SH3GL2: variants seen among roughly 807,000 people sequenced by gnomAD.
SH3GL2 encodes the protein endophilin-A1.
SH3GL2 carries 24 observed loss-of-function variants against 46.0 expected under a neutral mutation model. That is an observed-to-expected ratio of 0.52 (90% CI 0.38 to 0.73). The LOEUF (loss-of-function observed/expected upper bound fraction) is 0.73, where lower values mean the gene tolerates loss of function less well. Among genes scored for constraint, SH3GL2 ranks in the 30% least tolerant of loss-of-function variants. The pLI is 0.00. For synonymous variants in SH3GL2, 196 were observed against 147.1 expected (o/e 1.33, Z -2.40); for missense variants, 413 against 424.2 (o/e 0.97, Z 0.23).
chr9:17,607,082 T>C (rs1289594971), intron 1 of SH3GL2, among the ~76,000 whole-genome samples: 1 of 152,188 alleles, frequency 6.6e-6, no homozygotes, highest in Non-Finnish European at 1.5e-5. Context: ...TTATGATAGT[T>C]CCTTAAAATT....
At chr9:17,581,145 T>G (rs897312660) in intron 1 of SH3GL2, among the ~76,000 whole-genome samples, 2 of 152,212 alleles carry the variant, frequency 1.3e-5, no homozygotes, top group Non-Finnish European at 2.9e-5. Context: ...ATACTATCCC[T>G]TATGCTGTGA....
intron 1 of SH3GL2, among the ~76,000 whole-genome samples, chr9:17,731,364 T>A (rs553199615): frequency 6.7e-6 from 1 of 148,710 alleles, no homozygotes; most frequent in South Asian, 2.1e-4. Flanking sequence ...GCTGATGGAA[T>A]TTGTGCCCTT....
intron 1 of SH3GL2, among the ~76,000 whole-genome samples, chr9:17,614,786 A>C (rs1209289653): frequency 1.3e-5 from 2 of 152,156 alleles, no homozygotes; most frequent in African/African-American, 4.8e-5. Flanking sequence ...TACCAAGTGA[A>C]GTTTGTCTTT....
intron 3 of SH3GL2, among the ~76,000 whole-genome samples, chr9:17,776,911 A>T (rs1281994023): frequency 1.3e-5 from 2 of 152,160 alleles, no homozygotes; most frequent in Admixed American, 1.3e-4. Flanking sequence ...AAAGAGGCTC[A>T]CACTTGGCTC....
At chr9:17,625,445 CTT>C (rs1366040671) in intron 1 of SH3GL2, among the ~76,000 whole-genome samples, 1 of 152,242 alleles carries the variant, frequency 6.6e-6, no homozygotes, top group African/African-American at 2.4e-5. Flanking sequence ...CTGACACTTT[CTT>C]ACCAGTATGG....
At chr9:17,677,459 T>TG (rs1416901494) in intron 1 of SH3GL2, among the ~76,000 whole-genome samples, 2 of 152,162 alleles carry the variant, frequency 1.3e-5, no homozygotes, top group African/African-American at 4.8e-5. Context: ...AGCACTTATT[T>TG]GGGGGTCTGC....
chr9:17,726,756 T>A lies in SH3GL2; in HGVS notation c.46-20310T>A, dbSNP rs150093021. ...ATATGACATTTAAAACAATGATGTATCATAAACTTATAATCATCAGATTTG... is the reference window on the plus strand; with the variant it reads ...ATATGACATTTAAAACAATGATGTAACATAAACTTATAATCATCAGATTTG... On this transcript the variant is annotated intron_variant, in intron 1 of 8. Coordinates refer to ENST00000380607, the MANE Select transcript of SH3GL2 (RefSeq NM_003026.5). Among the ~76,000 whole-genome samples the A allele has an allele frequency of 3.6e-3, 549 of 152,296 alleles. 6 individuals are homozygous for A. The highest frequency in any genetic ancestry group is 0.011 in the African/African-American group (445 of 41,582).
intron 1 of SH3GL2, among the ~76,000 whole-genome samples, chr9:17,703,238 A>G (rs142850030): frequency 7.2e-5 from 11 of 152,200 alleles, no homozygotes; most frequent in African/African-American, 2.4e-4. Context: ...GGCTCGGGGA[A>G]AAAAAACAAT....
intron 1 of SH3GL2, among the ~76,000 whole-genome samples, chr9:17,631,253 A>G (rs1819415268): frequency 6.6e-6 from 1 of 152,214 alleles, no homozygotes; most frequent in Non-Finnish European, 1.5e-5. Flanking sequence ...GTTTTCTCTC[A>G]TCCATCCCCC....
chr9:17,762,767 C>G (rs951307183), intron 3 of SH3GL2, among the ~76,000 whole-genome samples: 1 of 152,136 alleles, frequency 6.6e-6, no homozygotes, highest in African/African-American at 2.4e-5. Flanking sequence ...CTTATTTTTA[C>G]CCAGAACCTT....
At chr9:17,674,151 A>G (rs2117984865) in intron 1 of SH3GL2, among the ~76,000 whole-genome samples, 1 of 152,360 alleles carries the variant, frequency 6.6e-6, no homozygotes, top group South Asian at 2.1e-4. Flanking sequence ...GAGAGTTAGT[A>G]ACATGTTCTT....
At chr9:17,606,936 C>G (rs1340724091) in intron 1 of SH3GL2, among the ~76,000 whole-genome samples, 5 of 152,200 alleles carry the variant, frequency 3.3e-5, no homozygotes, top group African/African-American at 4.8e-5. Flanking sequence ...TACCCAAGTT[C>G]TTTGGAAAGA....
chr9:17,598,243 G>A (rs1264142724), intron 1 of SH3GL2, among the ~76,000 whole-genome samples: 1 of 152,126 alleles, frequency 6.6e-6, no homozygotes, highest in Non-Finnish European at 1.5e-5. Flanking sequence ...AAAAGAGCAG[G>A]TTATGGTTTC....
chr9:17,607,970 A>T (rs1219235454), intron 1 of SH3GL2, among the ~76,000 whole-genome samples: 1 of 152,050 alleles, frequency 6.6e-6, no homozygotes, highest in Non-Finnish European at 1.5e-5. Flanking sequence ...AATTATATGA[A>T]ATGTTTATTA....
In SH3GL2 at chr9:17,622,986, G is replaced by GTTTCCTTTCCGTTCC. The variant is rs1819181989; in HGVS notation, c.45+43709_45+43710insGTTCCTTTCCTTTCC. ...CTCCCTTTTCCTTTCGTTTCCTTTC[G>GTTTCCTTTCCGTTCC]TTTCCTTTCCTTTCCTTTCCTTTCC... On this transcript the variant is annotated intron_variant, in intron 1 of 8. Transcript: ENST00000380607. Among the ~76,000 whole-genome samples the GTTTCCTTTCCGTTCC allele has an allele frequency of 1.2e-4, 12 of 99,348 alleles. No individual in the cohort carries two copies. The East Asian group carries it at 1.9e-3, about 16-fold the overall frequency. 65.2% of individuals were successfully genotyped at this position (99,348 alleles called of 152,430 possible).
intron 1 of SH3GL2, among the ~76,000 whole-genome samples, chr9:17,649,699 C>G (rs1198231023): frequency 1.3e-5 from 2 of 152,150 alleles, no homozygotes. Context: ...CGTATTAGGT[C>G]TCATTTCAGG....
At chr9:17,621,517 G>A (rs987002253) in intron 1 of SH3GL2, among the ~76,000 whole-genome samples, 1 of 152,236 alleles carries the variant, frequency 6.6e-6, no homozygotes, top group Non-Finnish European at 1.5e-5. Context: ...TGGAATCAAT[G>A]CCTGATTCAT....
intron 3 of SH3GL2, among the ~76,000 whole-genome samples, chr9:17,785,965 C>T (rs73645332): frequency 0.026 from 3,971 of 152,162 alleles, 175 homozygotes; most frequent in African/African-American, 0.092. Context: ...TCCTTAGACT[C>T]CTAGAATTGA....
chr9:17,670,330 G>C (rs951978843), intron 1 of SH3GL2, among the ~76,000 whole-genome samples: 2 of 152,130 alleles, frequency 1.3e-5, no homozygotes, highest in Non-Finnish European at 2.9e-5. Context: ...TTCTTGGGCT[G>C]CTTTTTGTTA....
Sources: gnomAD v4.1 joint callset for allele counts (sites outside exome capture counted in the v4.1 genomes callset) on GRCh38, gnomAD v4.1.1 for gene constraint, MANE v1.5 for transcripts, NCBI Gene and HGNC (gene_info 2026-07-23, HGNC 2026-07-21) for gene names.